The following SMYD5 variants were observed in gnomAD, a reference collection of about 807,000 sequenced individuals.
SMYD5 encodes the protein protein-lysine N-trimethyltransferase SMYD5.
SMYD5 carries 35 observed loss-of-function variants against 57.4 expected under a neutral mutation model. The ratio of observed to expected loss-of-function variants is 0.61; its 90% confidence interval spans 0.47 to 0.81. The LOEUF is 0.81. Ranked by LOEUF, SMYD5 falls within the 30% of genes least tolerant of loss-of-function variation. The pLI is 0.00. For missense variants in SMYD5, 471 were observed against 527.9 expected, an observed-to-expected ratio of 0.89 and a Z score of 1.06; for synonymous variants, 198 against 189.7, an observed-to-expected ratio of 1.04 and a Z score of -0.36.
Position 73,224,915 on chromosome 2 carries a change from C to A in SMYD5, c.990C>A (p.Asn330Lys). 1.9e-6 allele frequency: 3 copies of A among 1,614,114 alleles called. No homozygotes were observed. Among genetic ancestry groups the A allele is most frequent in the South Asian group, 1.1e-5 (1 of 91,074 alleles). Residue 330 changes from asparagine (N) to lysine (K), a missense_variant, in exon 11 of 13, where the codon AAC becomes AAA. Physicochemically the swap from Asn to Lys is moderately conservative, Grantham distance 94. Coordinates refer to ENST00000389501, the MANE Select transcript of SMYD5 (RefSeq NM_006062.3). ...CAGAGACCTCCTTTCCAGAAAACAA[C>A]TTCCTTTTGCATGTCACTGCTCTGG... ...PNAETSFPEN[N>K]FLLHVTALED...
rs369579466 is a variant in SMYD5, at chr2:73,214,350, G to A, written c.84G>A (p.Val28=). ...GGGTCTCCGTGGAAGTCCGTTTCGT[G>A]AGCAGCGCCAAGGTGAGGTCGGGGC... ...RARVSVEVRF[V]SSAKGKGLFA... is the part of the protein sequence containing the mutation. Residue 28 remains valine, a synonymous_variant, in exon 1 of 13, where the codon GTG becomes GTA. Coordinates refer to ENST00000389501, the MANE Select transcript of SMYD5 (RefSeq NM_006062.3). 4.1e-5 allele frequency: 66 copies of A among 1,613,540 alleles called. No individual in the cohort carries two copies. In the African/African-American group the frequency reaches 7.6e-4, roughly 19 times the overall value.
rs1173141700 is a variant in SMYD5, at chr2:73,220,291, G to C, written c.345+101G>C. 4 of 1,327,950 alleles carry C rather than the reference G, an allele frequency of 3.0e-6. No individual in the cohort carries two copies. In the African/African-American group the frequency reaches 4.4e-5, roughly 14 times the overall value. The allele number at this position is 1,327,950 out of a possible 1,614,324, so 82.3% of individuals were successfully genotyped here. On this transcript the variant is annotated intron_variant, in intron 3 of 12. Transcript: ENST00000389501. ...AGGAGCAGCGACAGACCTGGTCATGGCCCTTGAAAACTACAATGTAGGATA... is the reference window on the plus strand; with the variant it reads ...AGGAGCAGCGACAGACCTGGTCATGCCCCTTGAAAACTACAATGTAGGATA...
At chr2:73,219,383 T>G (rs1398712166) in intron 2 of SMYD5, among the ~76,000 whole-genome samples, 1 of 152,068 alleles carries the variant, frequency 6.6e-6, no homozygotes, top group Admixed American at 6.6e-5. Flanking sequence ...TTTCTTTTTT[T>G]GGGGTCTGGG....
chr2:73,225,110 A>T, intron 11 of SMYD5, 150 bp downstream of exon 11: 1 of 617,826 alleles, frequency 1.6e-6, no homozygotes, highest in Non-Finnish European at 2.9e-6. Flanking sequence ...CTTTCAGCTC[A>T]TGGTTAGGTT....
chr2:73,217,055 G>A (rs545196332), intron 1 of SMYD5, among the ~76,000 whole-genome samples: 3 of 151,846 alleles, frequency 2.0e-5, no homozygotes, highest in Non-Finnish European at 4.4e-5. Flanking sequence ...GGGTTCAAGC[G>A]ATTCTCCTGC....
chr2:73,216,468 A>G (rs183731652), intron 1 of SMYD5, among the ~76,000 whole-genome samples: 6 of 151,736 alleles, frequency 4.0e-5, no homozygotes, highest in Admixed American at 2.6e-4. Flanking sequence ...AGAGGGGCGG[A>G]TCACTTGAAC....
chr2:73,221,321 C>A, intron 5 of SMYD5, 87 bp downstream of exon 5: 1 of 1,089,054 alleles, frequency 9.2e-7, no homozygotes, highest in Non-Finnish European at 1.4e-6. Context: ...AAAGCCCTAG[C>A]TTGGATGCAG....
At position 73,221,177 on chromosome 2, in the gene SMYD5, C is replaced by T. The variant is rs1262189725; in HGVS notation, c.480C>T (p.Tyr160=). The change falls in exon 5 of 13, where the codon TAC becomes TAT. Residue 160 remains tyrosine, a synonymous_variant. Transcript: ENST00000389501. Reference sequence around the variant, plus strand: ...TCTCTTTCCCCAGGAGTATTCACTACCCACCTGAGACTGCAAGCATCATGT... The same window carrying T: ...TCTCTTTCCCCAGGAGTATTCACTATCCACCTGAGACTGCAAGCATCATGT... ...KLQEAWRSIH[Y]PPETASIMLM... The T allele has an allele frequency of 1.9e-6, 3 of 1,613,764 alleles. No individual in the cohort carries two copies. Among genetic ancestry groups the T allele is most frequent in the Non-Finnish European group, 2.5e-6 (3 of 1,179,818 alleles).
intron 7 of SMYD5, 22 bp downstream of exon 7, chr2:73,222,839 C>A: frequency 6.2e-7 from 1 of 1,609,100 alleles, no homozygotes; most frequent in Non-Finnish European, 8.5e-7. Context: ...GAGGGTGGGA[C>A]CAGTGGCCTC....
chr2:73,223,200 T>C (rs892370452), intron 8 of SMYD5, 94 bp downstream of exon 8: 1 of 1,047,800 alleles, frequency 9.5e-7, no homozygotes, highest in Non-Finnish European at 1.5e-6. Flanking sequence ...TGGGGTAGGG[T>C]GGGACTCTGG....
chr2:73,214,384 C>T (rs1047680434), intron 1 of SMYD5, 22 bp downstream of exon 1: 2 of 1,612,230 alleles, frequency 1.2e-6, no homozygotes, highest in Non-Finnish European at 1.7e-6. Flanking sequence ...GCGGGTCCTG[C>T]CGGGAGCCTC....
chr2:73,225,569 G>A (rs952708402), intron 11 of SMYD5, 62 bp from the exon 12 acceptor site: 1 of 1,463,586 alleles, frequency 6.8e-7, no homozygotes, highest in Admixed American at 1.7e-5. Flanking sequence ...GTAGCTGTTG[G>A]GGAGGTCCTT....
At chr2:73,221,361 T>C in intron 5 of SMYD5, 127 bp downstream of exon 5, 2 of 739,570 alleles carry the variant, frequency 2.7e-6, no homozygotes, top group Admixed American at 4.7e-5. Context: ...AAAGGAGAGC[T>C]CCTTGCTATG....
In SMYD5 at chr2:73,221,841, C is replaced by T. The variant is rs140784196; in HGVS notation, c.553C>T (p.Arg185Cys). The part of the protein sequence containing the change: ...ATVKQAKDKD[R>C]WIRLFSQFCN... ...TTCACTGCAGGCGAAGGACAAGGAC[C>T]GTTGGATCAGACTCTTTTCCCAGTT... is the stretch of plus-strand genomic sequence containing the variant. The change falls in exon 6 of 13, where the codon CGT becomes TGT. Residue 185 changes from arginine to cysteine, a missense_variant. Coordinates refer to ENST00000389501, the MANE Select transcript of SMYD5 (RefSeq NM_006062.3). 379 of 1,613,390 alleles carry T rather than the reference C, an allele frequency of 2.3e-4. No homozygotes were observed. In the African/African-American group the frequency reaches 2.9e-3, roughly 12 times the overall value.
chr2:73,218,426 A>G (rs112594842), intron 1 of SMYD5, among the ~76,000 whole-genome samples: 21 of 152,258 alleles, frequency 1.4e-4, no homozygotes, highest in African/African-American at 5.1e-4. Flanking sequence ...ATGGTGTAGG[A>G]TTTCTCTGCA....
chr2:73,222,975 G>A, intron 7 of SMYD5, 61 bp from the exon 8 acceptor site: 5 of 1,545,822 alleles, frequency 3.2e-6, no homozygotes, highest in Non-Finnish European at 4.5e-6. Flanking sequence ...CAAACAGAGA[G>A]TCCAATTGGA....
intron 11 of SMYD5, 148 bp from the exon 12 acceptor site, chr2:73,225,483 A>G (rs1686482387): frequency 1.4e-6 from 1 of 727,566 alleles, no homozygotes; most frequent in Non-Finnish European, 2.4e-6. Context: ...TGGGAACTGG[A>G]TGAGGGCAGC....
Position 73,220,680 on chromosome 2 carries a change from A to G in SMYD5, c.365A>G (p.Glu122Gly). Residue 122 changes from glutamate (E) to glycine (G), a missense_variant, in exon 4 of 13, where the codon GAA becomes GGA. By Grantham distance (98) the Glu-to-Gly change is moderately conservative (BLOSUM62 -2). Coordinates refer to ENST00000389501, the MANE Select transcript of SMYD5 (RefSeq NM_006062.3). ...PHCQVMYCSAECRLAATEQYH... is the reference protein window; with the variant it reads ...PHCQVMYCSAGCRLAATEQYH... Reference sequence around the variant, plus strand: ...TAACAGGTGATGTACTGCAGTGCAGAATGTCGGTTGGCAGCCACTGAGCAA... The same window carrying G: ...TAACAGGTGATGTACTGCAGTGCAGGATGTCGGTTGGCAGCCACTGAGCAA... 6.2e-7 allele frequency: 1 copy of G among 1,614,028 alleles called. No homozygotes were observed. The highest frequency in any genetic ancestry group is 8.5e-7 in the Non-Finnish European group (1 of 1,180,018).
chr2:73,226,391 G>A lies in SMYD5; in HGVS notation c.*445G>A, dbSNP rs536363180. 79 of 158,604 alleles carry A rather than the reference G, an allele frequency of 5.0e-4. 1 individual carries two copies. Among genetic ancestry groups the A allele is most frequent in the Non-Finnish European group, 1.0e-3 (72 of 71,762 alleles). 9.8% of individuals were successfully genotyped at this position (158,604 alleles called of 1,614,324 possible). On this transcript the variant is annotated 3_prime_UTR_variant, in exon 13 of 13. Transcript: ENST00000389501. ...AAGCAGAGATGGGAGGTGGTGAGGC[G>A]TCCTCACCTCCCCCCACCACAGCTG...
Sources: gnomAD v4.1 joint callset for allele counts (sites outside exome capture counted in the v4.1 genomes callset) on GRCh38, gnomAD v4.1.1 for gene constraint, MANE v1.5 for transcripts, NCBI Gene and HGNC (gene_info 2026-07-23, HGNC 2026-07-21) for gene names.